The following TDRD15 variants were observed in gnomAD, a reference collection of about 807,000 sequenced individuals.
TDRD15 encodes the protein tudor domain-containing protein 15.
For missense variants in TDRD15, 1,416 were observed against 904.7 expected (o/e 1.57, Z -7.25); for synonymous variants, 503 against 314.5 (o/e 1.60, Z -6.34).
chr2:21,139,892 G>A lies in TDRD15; in HGVS notation c.2425G>A (p.Ala809Thr), dbSNP rs894419733. 3 of 715,874 alleles carry A rather than the reference G, an allele frequency of 4.2e-6. No homozygotes were observed. In the East Asian group the frequency reaches 8.1e-5, roughly 19 times the overall value. 44.3% of individuals were successfully genotyped at this position (715,874 alleles called of 1,614,324 possible). A position where few individuals can be genotyped will look rare whatever the true frequency, so the allele number is the denominator to read the frequency against. Residue 809 changes from alanine to threonine, a missense_variant, in exon 4 of 4, where the codon GCT becomes ACT. Coordinates refer to ENST00000405799, the MANE Select transcript of TDRD15 (RefSeq NM_001306137.2). ...TGAGATTGGGCAGACTGCTTGTGTTGCTAAGTATTCTGGGAAGTGGTGTAG... is the reference window on the plus strand; with the variant it reads ...TGAGATTGGGCAGACTGCTTGTGTTACTAAGTATTCTGGGAAGTGGTGTAG... ...PYEIGQTACV[A>T]KYSGKWCRAA...
rs914252750 is a variant in TDRD15 at position 21,140,201 on chromosome 2, C to T, written c.2734C>T (p.His912Tyr). ...IYALVIIHPN[H>Y]LYNLVDLQSS... ...TGCCTTAGTTATTATACATCCAAAC[C>T]ATTTATATAACTTAGTGGATTTACA... Residue 912 changes from histidine to tyrosine, a missense_variant, in exon 4 of 4, where the codon CAT becomes TAT. Coordinates refer to ENST00000405799, the MANE Select transcript of TDRD15 (RefSeq NM_001306137.2). The T allele has an allele frequency of 4.2e-6, 3 of 715,042 alleles. No homozygotes were observed. The African/African-American group carries it at 5.3e-5, about 13-fold the overall frequency. The allele number at this position is 715,042 out of a possible 1,614,324, so 44.3% of individuals were successfully genotyped here.
At position 21,142,938 on chromosome 2, in the gene TDRD15, G is replaced by A. The variant is rs759022309; in HGVS notation, c.5471G>A (p.Arg1824His). 23 of 699,416 alleles carry A rather than the reference G, an allele frequency of 3.3e-5. No individual in the cohort carries two copies. Among genetic ancestry groups the A allele is most frequent in the Non-Finnish European group, 4.5e-5 (17 of 379,658 alleles). 43.3% of individuals were successfully genotyped at this position (699,416 alleles called of 1,614,324 possible). The stretch of plus-strand genomic sequence containing the variant: ...GACTATGGATTTTCTTTTTATATAC[G>A]TTATTCAGAAATTATAAATCTTAAA... ...LVDYGFSFYIRYSEIINLKVV... is the reference protein window; with the variant it reads ...LVDYGFSFYIHYSEIINLKVV... Residue 1824 changes from arginine to histidine, a missense_variant, in exon 4 of 4, where the codon CGT (arginine) becomes CAT (histidine). By Grantham distance (29) the Arg-to-His change is conservative. Transcript: ENST00000405799.
At chr2:21,126,845 G>A (rs2103434521) in intron 1 of TDRD15, among the ~76,000 whole-genome samples, 1 of 152,278 alleles carries the variant, frequency 6.6e-6, no homozygotes, top group Admixed American at 6.5e-5. Context: ...TGGAATGACT[G>A]GGTCATGTGG....
rs983246648 is a variant in TDRD15 at position 21,141,478 on chromosome 2, G to A, written c.4011G>A (p.Glu1337=). 11 of 714,584 alleles carry A rather than the reference G, an allele frequency of 1.5e-5. No individual in the cohort carries two copies. The highest frequency in any genetic ancestry group is 2.9e-5 in the Non-Finnish European group (11 of 383,600). The allele number at this position is 714,584 out of a possible 1,614,324, so 44.3% of individuals were successfully genotyped here. ...ATGCAACAGCAAGGAGATTGAGAGA[G>A]AGAAAATCAGTTAAACCTCTAGTGG... ...ALNATARRLR[E]RKSVKPLVGD... is the part of the protein sequence containing the mutation. The change falls in exon 4 of 4, where the codon GAG becomes GAA. Residue 1337 remains glutamate (E), a synonymous_variant. Transcript: ENST00000405799.
chr2:21,133,244 G>C (rs1388860004), intron 2 of TDRD15, among the ~76,000 whole-genome samples: 1 of 152,170 alleles, frequency 6.6e-6, no homozygotes, highest in Non-Finnish European at 1.5e-5. Context: ...TCAACTTGCA[G>C]TCTTTTGGAA....
At chr2:21,136,477 A>G (rs1018671381) in intron 3 of TDRD15, among the ~76,000 whole-genome samples, 2 of 151,948 alleles carry the variant, frequency 1.3e-5, no homozygotes, top group African/African-American at 4.8e-5. Context: ...TATTTCTTTC[A>G]GTACATCTAT....
chr2:21,124,733 GGT>G (rs1208488515), intron 1 of TDRD15, among the ~76,000 whole-genome samples: 1 of 135,214 alleles, frequency 7.4e-6, no homozygotes, highest in Middle Eastern at 4.4e-3. Flanking sequence ...CTAATGCCAG[GGT>G]GTGTGTGCGT....
rs1318752807 is a variant in TDRD15 at position 21,139,974 on chromosome 2, G to T, written c.2507G>T (p.Gly836Val). Residue 836 changes from glycine (G) to valine (V), a missense_variant, in exon 4 of 4, where the codon GGT becomes GTT. Transcript: ENST00000405799. Reference sequence around the variant, plus strand: ...GTTGACATAGTGTTTGTTGATTATGGTTACCAAAAAAGGGTTTTAATTGAA... The same window carrying T: ...GTTGACATAGTGTTTGTTGATTATGTTTACCAAAAAAGGGTTTTAATTGAA... Reference protein sequence around the residue: ...KEVDIVFVDYGYQKRVLIEDL... With the variant: ...KEVDIVFVDYVYQKRVLIEDL... 1.4e-6 allele frequency: 1 copy of T among 715,750 alleles called. No homozygotes were observed. Among genetic ancestry groups the T allele is most frequent in the Non-Finnish European group, 2.6e-6 (1 of 383,952 alleles). 44.3% of individuals were successfully genotyped at this position (715,750 alleles called of 1,614,324 possible).
chr2:21,124,696 C>CGTGT (rs147996493), intron 1 of TDRD15, among the ~76,000 whole-genome samples: 2 of 70,236 alleles, frequency 2.8e-5, no homozygotes, highest in African/African-American at 5.5e-5. Context: ...TGCCAGGGTG[C>CGTGT]GTGTGTGTGT....
At chr2:21,131,263 T>C (rs1403737237) in intron 2 of TDRD15, among the ~76,000 whole-genome samples, 3 of 152,224 alleles carry the variant, frequency 2.0e-5, no homozygotes, top group Non-Finnish European at 4.4e-5. Context: ...TGTTAGGTAA[T>C]GTAATATGTC....
downstream of TDRD15, among the ~76,000 whole-genome samples, chr2:21,146,127 G>A (rs916828410): frequency 7.2e-5 from 11 of 151,880 alleles, no homozygotes; most frequent in African/African-American, 2.4e-4. Context: ...ATTATTTTGT[G>A]AGAAAAAATA....
chr2:21,146,089 C>G (rs1191710576), downstream of TDRD15, among the ~76,000 whole-genome samples: 1 of 151,978 alleles, frequency 6.6e-6, no homozygotes, highest in Non-Finnish European at 1.5e-5. Context: ...AATCACTACT[C>G]TAGAGAGGAC....
rs1665898505 is a variant in TDRD15 at position 21,140,396 on chromosome 2, C to T, written c.2929C>T (p.Pro977Ser). The change falls in exon 4 of 4, where the codon CCC becomes TCC. Residue 977 changes from proline (P) to serine (S), a missense_variant. By Grantham distance (74) the Pro-to-Ser change is moderately conservative (BLOSUM62 -1). Coordinates refer to ENST00000405799, the MANE Select transcript of TDRD15 (RefSeq NM_001306137.2). The part of the protein sequence containing the change: ...EEVYISHIYS[P>S]QKFYCQLGRN... ...AGTATATATATCTCACATATATAGT[C>T]CCCAAAAGTTTTATTGCCAGCTTGG... 1 of 693,608 alleles carries T rather than the reference C, an allele frequency of 1.4e-6. No homozygotes were observed. The highest frequency in any genetic ancestry group is 1.8e-5 in the African/African-American group (1 of 55,532). The allele number at this position is 693,608 out of a possible 1,614,324, so 43.0% of individuals were successfully genotyped here. A position where few individuals can be genotyped will look rare whatever the true frequency, so the allele number is the denominator to read the frequency against.
At chr2:21,133,118 T>G (rs1665751058) in intron 2 of TDRD15, among the ~76,000 whole-genome samples, 1 of 152,126 alleles carries the variant, frequency 6.6e-6, no homozygotes, top group East Asian at 1.9e-4. Context: ...ATATGCATAC[T>G]CAAATAGTAT....
Position 21,137,602 on chromosome 2 carries a change from A to G in TDRD15, c.135A>G (p.Val45=). ...ATGAATGTGAGTTTGACTACCATGT[A>G]TTGCAGAGAGAAATACAACATACTC... ...KSNECEFDYH[V]LQREIQHTPK... Residue 45 remains valine (V), a synonymous_variant, in exon 4 of 4, where the codon GTA becomes GTG. Coordinates refer to ENST00000405799, the MANE Select transcript of TDRD15 (RefSeq NM_001306137.2). 1 of 715,672 alleles carries G rather than the reference A, an allele frequency of 1.4e-6. No individual in the cohort carries two copies. The highest frequency in any genetic ancestry group is 2.6e-6 in the Non-Finnish European group (1 of 384,188). The allele number at this position is 715,672 out of a possible 1,614,324, so 44.3% of individuals were successfully genotyped here.
chr2:21,144,668 T>C (rs1314917927), downstream of TDRD15, among the ~76,000 whole-genome samples: 1 of 151,924 alleles, frequency 6.6e-6, no homozygotes, highest in African/African-American at 2.4e-5. Context: ...TCATTACAAC[T>C]CTACAAAGTA....
rs985258771 is a variant in TDRD15 at position 21,137,824 on chromosome 2, A to G, written c.357A>G (p.Pro119=). 9.8e-6 allele frequency: 7 copies of G among 716,472 alleles called. No individual in the cohort carries two copies. Among genetic ancestry groups the G allele is most frequent in the Admixed American group, 4.0e-5 (2 of 49,912 alleles). The allele number at this position is 716,472 out of a possible 1,614,324, so 44.4% of individuals were successfully genotyped here. The change falls in exon 4 of 4, where the codon CCA becomes CCG. Residue 119 remains proline (P), a synonymous_variant. Coordinates refer to ENST00000405799, the MANE Select transcript of TDRD15 (RefSeq NM_001306137.2). ...GTGGCAATTTATTTGAGCTACCGCC[A>G]CGGGTAGTATTTGGTATTTTTGCGA... ...SACGNLFELP[P]RVVFGIFANI...
chr2:21,141,618 C>G lies in TDRD15; in HGVS notation c.4151C>G (p.Ala1384Gly), dbSNP rs1296861586. The G allele has an allele frequency of 2.2e-5, 16 of 713,448 alleles. No homozygotes were observed. The highest frequency in any genetic ancestry group is 2.1e-4 in the South Asian group (14 of 67,002). 44.2% of individuals were successfully genotyped at this position (713,448 alleles called of 1,614,324 possible). A position where few individuals can be genotyped will look rare whatever the true frequency, so the allele number is the denominator to read the frequency against. The part of the protein sequence containing the change: ...EVEFIDYGNS[A>G]IVNTSKIYEL... ...GAATTTATTGACTATGGTAACTCTG[C>G]AATAGTAAACACATCTAAAATTTAC... Residue 1384 changes from alanine (A) to glycine (G), a missense_variant, in exon 4 of 4, where the codon GCA becomes GGA. Physicochemically the swap from Ala to Gly is moderately conservative, Grantham distance 60 (BLOSUM62 0). Coordinates refer to ENST00000405799, the MANE Select transcript of TDRD15 (RefSeq NM_001306137.2).
rs1665993462 is a variant in TDRD15, at chr2:21,144,110, T to G, written c.*838T>G. 6.6e-6 allele frequency among the ~76,000 whole-genome samples: 1 copy of G among 151,780 alleles called. No homozygotes were observed. The highest frequency in any genetic ancestry group is 2.4e-5 in the African/African-American group (1 of 41,412). ...ATGTCTTTAGGTTTTTTGAGTGTGC[T>G]TCTAGCATATTTCTGAACCAGATAA... On this transcript the variant is annotated 3_prime_UTR_variant, in exon 4 of 4. Transcript: ENST00000405799.
Sources: allele counts gnomAD v4.1 joint callset (sites outside exome capture counted in the v4.1 genomes callset), GRCh38; gene constraint gnomAD v4.1.1; transcripts MANE v1.5; gene names NCBI Gene and HGNC (gene_info 2026-07-23, HGNC 2026-07-21).